The following LRP1B variants were observed in gnomAD, a reference collection of about 807,000 sequenced individuals.
The protein encoded by LRP1B is low-density lipoprotein receptor-related protein 1B.
In LRP1B, 217 loss-of-function variants were observed where a neutral mutation model predicts 556.6. That is an observed-to-expected ratio of 0.39 (90% CI 0.35 to 0.44). LRP1B has a LOEUF of 0.44. Ranked by LOEUF, LRP1B falls within the 20% of genes least tolerant of loss-of-function variation. The pLI is 1.00. For synonymous variants in LRP1B, 2,047 were observed against 1,865.8 expected, an observed-to-expected ratio of 1.10 and a Z score of -2.50; for missense variants, 5,053 against 5,620.8, an observed-to-expected ratio of 0.90 and a Z score of 3.23.
chr2:140,974,328 G>A (rs1226070857), intron 18 of LRP1B, among the ~76,000 whole-genome samples: 1 of 152,164 alleles, frequency 6.6e-6, no homozygotes, highest in Non-Finnish European at 1.5e-5. Flanking sequence ...TATTGGAAAA[G>A]AGATTAAGTT....
intron 2 of LRP1B, among the ~76,000 whole-genome samples, chr2:141,765,713 T>C (rs1052835281): frequency 6.6e-6 from 1 of 152,204 alleles, no homozygotes; most frequent in African/African-American, 2.4e-5. Flanking sequence ...ATCCAAGCTG[T>C]TCAGTTTCAA....
chr2:141,200,664 A>G (rs1008004634), intron 6 of LRP1B, among the ~76,000 whole-genome samples: 1 of 152,016 alleles, frequency 6.6e-6, no homozygotes, highest in African/African-American at 2.4e-5. Flanking sequence ...CATCCCCATC[A>G]ATGTATACCA....
intron 2 of LRP1B, among the ~76,000 whole-genome samples, chr2:141,526,710 C>G (rs1451454425): frequency 6.6e-6 from 1 of 151,962 alleles, no homozygotes; most frequent in Non-Finnish European, 1.5e-5. Flanking sequence ...GGACCTGGAA[C>G]AGAGTAGGTG....
intron 1 of LRP1B, among the ~76,000 whole-genome samples, chr2:141,855,092 A>G (rs78128172): frequency 0.014 from 2,162 of 152,150 alleles, 54 homozygotes; most frequent in African/African-American, 0.048. Flanking sequence ...GGTGCTAGGA[A>G]GAAGGTGGAG....
At chr2:140,412,651 T>C (rs1219919087) in intron 66 of LRP1B, among the ~76,000 whole-genome samples, 1 of 152,006 alleles carries the variant, frequency 6.6e-6, no homozygotes, top group Admixed American at 6.6e-5. Flanking sequence ...TGTACATAAT[T>C]CTCTCAACAA....
intron 56 of LRP1B, among the ~76,000 whole-genome samples, chr2:140,494,814 A>T (rs1253430121): frequency 6.6e-6 from 1 of 151,850 alleles, no homozygotes; most frequent in African/African-American, 2.4e-5. Context: ...AAAAACAGCT[A>T]ATGTTTTAAA....
intron 43 of LRP1B, among the ~76,000 whole-genome samples, chr2:140,578,990 T>A (rs1681647585): frequency 6.6e-6 from 1 of 151,900 alleles, no homozygotes; most frequent in African/African-American, 2.4e-5. Flanking sequence ...AAGGAGGAAG[T>A]CTATCTCCCT....
At chr2:140,249,135 A>G (rs1458263752) in intron 86 of LRP1B, among the ~76,000 whole-genome samples, 3 of 151,694 alleles carry the variant, frequency 2.0e-5, no homozygotes, top group African/African-American at 7.2e-5. Context: ...GGGACTCATT[A>G]TTACACTTTC....
chr2:140,321,200 CAT>C (rs1277374132), intron 82 of LRP1B, among the ~76,000 whole-genome samples: 14 of 151,916 alleles, frequency 9.2e-5, no homozygotes, highest in African/African-American at 3.4e-4. Context: ...ATTCAAGAGA[CAT>C]ATTTTCTTTC....
chr2:140,285,445 A>G (rs1683108995), intron 84 of LRP1B, among the ~76,000 whole-genome samples: 1 of 151,492 alleles, frequency 6.6e-6, no homozygotes, highest in South Asian at 2.1e-4. Context: ...AAGAAGAAAA[A>G]CAGATTATGT....
chr2:141,714,663 C>T (rs377455152), intron 2 of LRP1B, among the ~76,000 whole-genome samples: 2 of 152,060 alleles, frequency 1.3e-5, no homozygotes, highest in South Asian at 2.1e-4. Flanking sequence ...CTGTTAGAAA[C>T]GCATGACCTG....
At chr2:141,743,198 G>A (rs566539085) in intron 2 of LRP1B, among the ~76,000 whole-genome samples, 91 of 152,040 alleles carry the variant, frequency 6.0e-4, no homozygotes, top group African/African-American at 2.2e-3. Context: ...TAATCATATG[G>A]TGTTTGTCCT....
At chr2:140,996,055 T>G (rs1697236232) in intron 15 of LRP1B, among the ~76,000 whole-genome samples, 2 of 152,102 alleles carry the variant, frequency 1.3e-5, no homozygotes, top group South Asian at 4.1e-4. Context: ...CCTTTGTGTC[T>G]AATCCAGGAA....
At chr2:141,650,221 T>C (rs986718195) in intron 2 of LRP1B, among the ~76,000 whole-genome samples, 2 of 152,154 alleles carry the variant, frequency 1.3e-5, no homozygotes, top group African/African-American at 4.8e-5. Context: ...GGAAGAATCA[T>C]GTATATAACC....
intron 1 of LRP1B, among the ~76,000 whole-genome samples, chr2:142,049,697 C>G (rs1376391139): frequency 1.3e-5 from 2 of 152,046 alleles, no homozygotes; most frequent in Non-Finnish European, 2.9e-5. Context: ...CTCTGCCTAC[C>G]CATTCAATTT....
At chr2:141,766,654 G>C (rs1161692805) in intron 2 of LRP1B, among the ~76,000 whole-genome samples, 1 of 152,164 alleles carries the variant, frequency 6.6e-6, no homozygotes, top group African/African-American at 2.4e-5. Flanking sequence ...CAATAGGATG[G>C]AGGAAAGTGC....
At chr2:141,344,525 C>A (rs58776756) in intron 3 of LRP1B, among the ~76,000 whole-genome samples, 4,421 of 152,166 alleles carry the variant, frequency 0.029, 211 homozygotes, top group African/African-American at 0.1. Context: ...CATTGAGGAA[C>A]CCTGTGGTCA....
At chr2:140,533,798 A>G (rs1394837855) in intron 47 of LRP1B, among the ~76,000 whole-genome samples, 1 of 152,144 alleles carries the variant, frequency 6.6e-6, no homozygotes, top group African/African-American at 2.4e-5. Context: ...GCGAGAAATT[A>G]TAAGAGTTTT....
At position 141,706,122 on chromosome 2, in the gene LRP1B, T is replaced by A. The variant is rs76210661; in HGVS notation, c.205+104157A>T. 3.9e-4 allele frequency among the ~76,000 whole-genome samples: 59 copies of A among 152,158 alleles called. No homozygotes were observed. The East Asian group carries it at 0.011, about 28-fold the overall frequency. On this transcript the variant is annotated intron_variant, in intron 2 of 90. Coordinates refer to ENST00000389484, the MANE Select transcript of LRP1B (RefSeq NM_018557.3). ...AAGCCCAAAATCTTCAGGATGACTC[T>A]GGAGACCCTTCATGCTATCATGCTT...
Sources: allele counts gnomAD v4.1 joint callset (sites outside exome capture counted in the v4.1 genomes callset), GRCh38; gene constraint gnomAD v4.1.1; transcripts MANE v1.5; gene names NCBI Gene and HGNC (gene_info 2026-07-23, HGNC 2026-07-21).